Variants in UBR2 observed in about 807,000 individuals in gnomAD.
UBR2 encodes the protein E3 ubiquitin-protein ligase UBR2.
A neutral mutation model predicts 247.9 loss-of-function variants in UBR2; 92 were observed. The ratio of observed to expected loss-of-function variants is 0.37; its 90% CI spans 0.31 to 0.44. The LOEUF is 0.44. Ranked by LOEUF, UBR2 falls within the 20% of genes least tolerant of loss-of-function variation. The pLI, the probability that UBR2 is intolerant of heterozygous loss-of-function variation, is 1.00. For missense variants in UBR2, 1,613 were observed against 2,112.6 expected (o/e 0.76, Z 4.64); for synonymous variants, 672 against 693.5 (o/e 0.97, Z 0.49).
Position 42,616,023 on chromosome 6 carries a change from A to G in UBR2, c.1115A>G (p.Gln372Arg). The change falls in exon 10 of 47, where the codon CAG becomes CGG. Residue 372 changes from glutamine (Q) to arginine (R), a missense_variant. By Grantham distance (43) the Gln-to-Arg change is conservative (BLOSUM62 1). Around this residue, in one of 3 missense-constraint regions of UBR2, gnomAD observed 1,524 missense variants for 1,967.3 expected, o/e 0.77. Transcript: ENST00000372901. The stretch of plus-strand genomic sequence containing the variant: ...CAAGGTGCTAGGAGTGTATATCATC[A>G]GTTGTTCATGAGCAGTCTGCTTATG... ...LWKGARSVYH[Q>R]LFMSSLLMDL... 1.2e-6 allele frequency: 2 copies of G among 1,604,656 alleles called. No individual in the cohort carries two copies. The highest frequency in any genetic ancestry group is 8.5e-7 in the Non-Finnish European group (1 of 1,177,700).
intron 21 of UBR2, among the ~76,000 whole-genome samples, chr6:42,647,543 C>A (rs1371632589): frequency 1.3e-5 from 2 of 151,880 alleles, no homozygotes; most frequent in African/African-American, 4.8e-5. Flanking sequence ...TTGCAGTGAG[C>A]CAAGATCATG....
chr6:42,660,994 T>TG (rs1468421974), intron 30 of UBR2, among the ~76,000 whole-genome samples: 12 of 121,476 alleles, frequency 9.9e-5, no homozygotes, highest in African/African-American at 2.0e-4. Context: ...TTTGTTTGTT[T>TG]TTAAAAAAAA....
At chr6:42,688,411 G>C in intron 45 of UBR2, 25 bp downstream of exon 45, 1 of 1,610,266 alleles carries the variant, frequency 6.2e-7, no homozygotes, top group Non-Finnish European at 8.5e-7. Context: ...GGGCTTTTTA[G>C]CTTTGGATCT....
At position 42,632,569 on chromosome 6, in the gene UBR2, A is replaced by C; in HGVS notation, c.1299A>C (p.Thr433=). 6.2e-7 allele frequency: 1 copy of C among 1,608,232 alleles called. No individual in the cohort carries two copies. The highest frequency in any genetic ancestry group is 8.5e-7 in the Non-Finnish European group (1 of 1,178,070). ...TVPSLARMLI[T]EENLMSIIIK... The stretch of plus-strand genomic sequence containing the variant: ...GTTTTTAGGCTCGAATGCTCATCAC[A>C]GAAGAAAACTTAATGAGCATTATCA... The change falls in exon 12 of 47, where the codon ACA becomes ACC. Residue 433 remains threonine (T), a synonymous_variant. Coordinates refer to ENST00000372901, the MANE Select transcript of UBR2 (RefSeq NM_001363705.2).
intron 34 of UBR2, among the ~76,000 whole-genome samples, chr6:42,667,725 T>TG (rs1224468987): frequency 1.2e-3 from 167 of 141,608 alleles, no homozygotes; most frequent in African/African-American, 4.1e-3. Flanking sequence ...TTTTTCTGAA[T>TG]GGTGCAGTAG....
intron 30 of UBR2, among the ~76,000 whole-genome samples, chr6:42,661,728 G>A (rs1797820725): frequency 6.6e-6 from 1 of 152,024 alleles, no homozygotes; most frequent in African/African-American, 2.4e-5. Context: ...AGTGTTGTTA[G>A]GCAGTCTGTC....
At chr6:42,635,571 A>ATAGGAG (rs1796038829) in intron 14 of UBR2, 25 bp downstream of exon 14, 1 of 1,590,814 alleles carries the variant, frequency 6.3e-7, no homozygotes, top group Non-Finnish European at 8.6e-7. Flanking sequence ...GGTGCGGGGA[A>ATAGGAG]TAGGAGGAAA....
chr6:42,575,826 G>A (rs554629169), intron 2 of UBR2, among the ~76,000 whole-genome samples: 10 of 152,274 alleles, frequency 6.6e-5, no homozygotes, highest in African/African-American at 2.4e-4. Context: ...CAATAAGTGT[G>A]TTGTTGGGAA....
chr6:42,608,241 A>G (rs1793842033), intron 7 of UBR2, among the ~76,000 whole-genome samples: 1 of 152,192 alleles, frequency 6.6e-6, no homozygotes, highest in Admixed American at 6.6e-5. Context: ...CTGTGGTACT[A>G]ATATACTTTC....
At chr6:42,581,225 T>C (rs1791879148) in intron 2 of UBR2, among the ~76,000 whole-genome samples, 1 of 151,286 alleles carries the variant, frequency 6.6e-6, no homozygotes, top group East Asian at 1.9e-4. Flanking sequence ...AGTCTCGCTC[T>C]GTCGCCCAGG....
Position 42,598,392 on chromosome 6 carries a change from A to G in UBR2, c.531+4088A>G, listed in dbSNP as rs76764805. ...ATTGAGTAGTTGCAGCAGAGACCCT[A>G]TAGCCTGCTAAGACTAAAGTACTAT... On this transcript the variant is annotated intron_variant, in intron 4 of 46. Transcript: ENST00000372901. Among the ~76,000 whole-genome samples the G allele has an allele frequency of 1.1e-4, 17 of 152,312 alleles. No homozygotes were observed. The East Asian group carries it at 2.3e-3, about 21-fold the overall frequency.
rs1338049924 is a variant in UBR2, at chr6:42,691,061, A to G, written c.5156A>G (p.Glu1719Gly). Residue 1719 changes from glutamate (E) to glycine (G), a missense_variant, in exon 47 of 47, where the codon GAG becomes GGG. Physicochemically the swap from Glu to Gly is moderately conservative, Grantham distance 98 (BLOSUM62 -2). Coordinates refer to ENST00000372901, the MANE Select transcript of UBR2 (RefSeq NM_001363705.2). Reference sequence around the variant, plus strand: ...GGAAATCCTTTACATTTATGCAAAGAGCGATTCAAGAAGATTCAGAAGCTC... The same window carrying G: ...GGAAATCCTTTACATTTATGCAAAGGGCGATTCAAGAAGATTCAGAAGCTC... ...RRGNPLHLCKERFKKIQKLWH... is the reference protein window; with the variant it reads ...RRGNPLHLCKGRFKKIQKLWH... 1 of 1,614,186 alleles carries G rather than the reference A, an allele frequency of 6.2e-7. No individual in the cohort carries two copies. Among genetic ancestry groups the G allele is most frequent in the South Asian group, 1.1e-5 (1 of 91,090 alleles).
Position 42,647,417 on chromosome 6 carries a change from T to TAAA in UBR2, c.2410-674_2410-672dup, listed in dbSNP as rs750938791. On this transcript the variant is annotated intron_variant, in intron 21 of 46. Transcript: ENST00000372901. The stretch of plus-strand genomic sequence containing the variant: ...CAACACAGTTAAACCCCATCGCTAC[T>TAAA]AAAAAAAAAAAAAAAAAAAAAAAAA... Among the ~76,000 whole-genome samples, 199 of 102,142 alleles carry TAAA rather than the reference T, an allele frequency of 1.9e-3. 8 individuals carry two copies. The highest frequency in any genetic ancestry group is 5.7e-3 in the Admixed American group (51 of 9,024). 67.0% of individuals were successfully genotyped at this position (102,142 alleles called of 152,430 possible).
At chr6:42,678,444 A>G in intron 40 of UBR2, 95 bp from the exon 41 acceptor site, 1 of 1,367,000 alleles carries the variant, frequency 7.3e-7, no homozygotes, top group Non-Finnish European at 9.8e-7. Context: ...CATACATGCC[A>G]TCAGTTCCAA....
At chr6:42,594,477 A>C (rs1226726979) in intron 4 of UBR2, among the ~76,000 whole-genome samples, 173 bp downstream of exon 4, 1 of 152,210 alleles carries the variant, frequency 6.6e-6, no homozygotes, top group African/African-American at 2.4e-5. Context: ...CTAATAGTAC[A>C]CAGTTGAAAT....
In UBR2 at chr6:42,651,952, A is replaced by G. The variant is rs1797141733; in HGVS notation, c.2566-71A>G. The G allele has an allele frequency of 6.2e-6, 9 of 1,442,928 alleles. No homozygotes were observed. The Admixed American group carries it at 2.1e-4, about 33-fold the overall frequency. 89.4% of individuals were successfully genotyped at this position (1,442,928 alleles called of 1,614,324 possible). ...TAGTGAAACCCCACCTCTACTAAAA[A>G]TATAAAAATTAACCAGGTGTGGTGG... On this transcript the variant is annotated intron_variant, in intron 23 of 46. Transcript: ENST00000372901.
intron 23 of UBR2, among the ~76,000 whole-genome samples, chr6:42,651,011 C>T (rs1213906289): frequency 2.0e-5 from 3 of 152,032 alleles, no homozygotes; most frequent in African/African-American, 7.2e-5. Context: ...CGCTTGAGCT[C>T]AGGAGTTCGA....
intron 2 of UBR2, among the ~76,000 whole-genome samples, chr6:42,587,516 T>C (rs9394910): frequency 0.75 from 114,459 of 151,900 alleles, 43,535 homozygotes; most frequent in African/African-American, 0.85. Flanking sequence ...TGCTGCCATG[T>C]CTGGCTAATT....
At chr6:42,671,166 C>T (rs1290233990) in intron 36 of UBR2, among the ~76,000 whole-genome samples, 1 of 114,332 alleles carries the variant, frequency 8.7e-6, no homozygotes, top group Non-Finnish European at 1.7e-5. Flanking sequence ...GCCTGGGCAA[C>T]AAGAGTGAAA....
Sources: gnomAD v4.1 joint callset for allele counts (sites outside exome capture counted in the v4.1 genomes callset) on GRCh38, gnomAD v4.1.1 for gene constraint, gnomAD v4.1.1 regional missense constraint, MANE v1.5 for transcripts, NCBI Gene and HGNC (gene_info 2026-07-23, HGNC 2026-07-21) for gene names.